The following SH3BGRL2 variants were observed in gnomAD, a reference collection of about 807,000 sequenced individuals.
SH3BGRL2 encodes SH3 domain binding glutamate rich protein like 2.
In SH3BGRL2, 21 loss-of-function variants were observed where a neutral mutation model predicts 14.8. That is an observed-to-expected ratio of 1.42 (90% CI 1.01 to 2.05). The LOEUF (loss-of-function observed/expected upper bound fraction) is 2.05. Among genes scored for constraint, SH3BGRL2 ranks in the 30% most tolerant of loss-of-function variants. The pLI is 0.00. For synonymous variants in SH3BGRL2, 50 were observed against 47.8 expected, an observed-to-expected ratio of 1.05 and a Z score of -0.19; for missense variants, 147 against 130.8, an observed-to-expected ratio of 1.12 and a Z score of -0.61.
At chr6:79,615,029 A>T in the SH3BGRL2 span, among the ~76,000 whole-genome samples, 1 of 144,766 alleles carries the variant, frequency 6.9e-6, no homozygotes, top group Non-Finnish European at 1.5e-5. Context: ...CTCAGCTTAT[A>T]GGTTGCCTGC....
chr6:79,577,387 C>A, the SH3BGRL2 span, among the ~76,000 whole-genome samples: 1 of 152,106 alleles, frequency 6.6e-6, no homozygotes, highest in Non-Finnish European at 1.5e-5. Context: ...AGGGTTAAAA[C>A]CTTAGTATTA....
At chr6:79,637,957 C>A (rs1768959212) in intron 1 of SH3BGRL2, among the ~76,000 whole-genome samples, 3 of 152,116 alleles carry the variant, frequency 2.0e-5, no homozygotes, top group Admixed American at 6.5e-5. Flanking sequence ...AGCATACAAA[C>A]TATTTTTATT....
At chr6:79,657,613 T>A (rs1241731000) in intron 1 of SH3BGRL2, among the ~76,000 whole-genome samples, 2 of 151,432 alleles carry the variant, frequency 1.3e-5, no homozygotes, top group African/African-American at 4.9e-5. Context: ...GACTTGTTAA[T>A]TTTTTTTAAT....
intron 1 of SH3BGRL2, among the ~76,000 whole-genome samples, chr6:79,659,305 A>T (rs1769490430): frequency 6.6e-6 from 1 of 152,160 alleles, no homozygotes; most frequent in Non-Finnish European, 1.5e-5. Context: ...ATCTTGAATT[A>T]ATTTTTGTAT....
chr6:79,697,399 C>T (rs1316399954), intron 3 of SH3BGRL2, among the ~76,000 whole-genome samples: 1 of 152,076 alleles, frequency 6.6e-6, no homozygotes, highest in Non-Finnish European at 1.5e-5. Flanking sequence ...AGACTGAATT[C>T]TAATATGTCT....
chr6:79,551,533 A>T, the SH3BGRL2 span, among the ~76,000 whole-genome samples: 1 of 152,160 alleles, frequency 6.6e-6, no homozygotes, highest in African/African-American at 2.4e-5. Flanking sequence ...ACAGCCTGCA[A>T]CGTGGCCCTC....
chr6:79,555,831 A>G, the SH3BGRL2 span, among the ~76,000 whole-genome samples: 1 of 152,168 alleles, frequency 6.6e-6, no homozygotes, highest in African/African-American at 2.4e-5. Flanking sequence ...TAAAATGAAA[A>G]TTAATAATTA....
At chr6:79,644,603 G>A (rs1769091465) in intron 1 of SH3BGRL2, among the ~76,000 whole-genome samples, 1 of 152,164 alleles carries the variant, frequency 6.6e-6, no homozygotes, top group Non-Finnish European at 1.5e-5. Context: ...TAGAAAGAAT[G>A]TAGACTCCAG....
In SH3BGRL2 at chr6:79,631,414, AGCCCGGAGCCCG is replaced by A. The variant is rs778278440; in HGVS notation, c.-46_-35del. The A allele has an allele frequency of 6.7e-7, 1 of 1,488,150 alleles. No homozygotes were observed. Among genetic ancestry groups the A allele is most frequent in the South Asian group, 1.3e-5 (1 of 74,998 alleles). 92.2% of individuals were successfully genotyped at this position (1,488,150 alleles called of 1,614,324 possible). ...CTGGGTTCAGCTCTGCGTCCACGCC[AGCCCGGAGCCCG>A]GGGGGCAAGGGGTCTGTCCCGGGCG... On this transcript the variant is annotated 5_prime_UTR_variant, in exon 1 of 4. Coordinates refer to ENST00000369838, the MANE Select transcript of SH3BGRL2 (RefSeq NM_031469.4).
At position 79,699,626 on chromosome 6, in the gene SH3BGRL2, C is replaced by A; in HGVS notation, c.*117C>A. ...GCCACACGCATTATCAGTAACTTTG[C>A]TTGCCACGGAAAAGGTGTTTTTGAA... On this transcript the variant is annotated 3_prime_UTR_variant, in exon 4 of 4. Coordinates refer to ENST00000369838, the MANE Select transcript of SH3BGRL2 (RefSeq NM_031469.4). 2 of 1,323,142 alleles carry A rather than the reference C, an allele frequency of 1.5e-6. No individual in the cohort carries two copies. Among genetic ancestry groups the A allele is most frequent in the Non-Finnish European group, 1.0e-6 (1 of 1,003,740 alleles). 82.0% of individuals were successfully genotyped at this position (1,323,142 alleles called of 1,614,324 possible).
At chr6:79,597,425 T>C in the SH3BGRL2 span, among the ~76,000 whole-genome samples, 3 of 151,516 alleles carry the variant, frequency 2.0e-5, no homozygotes, top group African/African-American at 7.3e-5. Flanking sequence ...GAAAGACATA[T>C]AGATCAGTGG....
the SH3BGRL2 span, among the ~76,000 whole-genome samples, chr6:79,562,846 T>G: frequency 6.6e-6 from 1 of 152,162 alleles, no homozygotes; most frequent in East Asian, 1.9e-4. Context: ...AAACTCATAA[T>G]GTTTTAAGAA....
the SH3BGRL2 span, among the ~76,000 whole-genome samples, chr6:79,560,658 G>T: frequency 6.6e-6 from 1 of 152,086 alleles, no homozygotes; most frequent in African/African-American, 2.4e-5. Flanking sequence ...GGGAATTTTG[G>T]ATGAAATAAA....
the SH3BGRL2 span, among the ~76,000 whole-genome samples, chr6:79,551,315 C>T: frequency 6.6e-6 from 1 of 152,130 alleles, no homozygotes; most frequent in South Asian, 2.1e-4. Flanking sequence ...TTGCAATATT[C>T]AGGGAGCCAT....
At chr6:79,635,562 C>G (rs764851238) in intron 1 of SH3BGRL2, among the ~76,000 whole-genome samples, 2 of 152,238 alleles carry the variant, frequency 1.3e-5, no homozygotes, top group African/African-American at 2.4e-5. Context: ...TCAGTGCTGT[C>G]TCTCTCCAGT....
the SH3BGRL2 span, among the ~76,000 whole-genome samples, chr6:79,566,220 T>G: frequency 6.6e-6 from 1 of 152,180 alleles, no homozygotes; most frequent in Non-Finnish European, 1.5e-5. Context: ...AGATTCTGAA[T>G]TCTAGGAGAG....
At chr6:79,664,779 T>A (rs1769622671) in intron 1 of SH3BGRL2, among the ~76,000 whole-genome samples, 1 of 152,246 alleles carries the variant, frequency 6.6e-6, no homozygotes, top group South Asian at 2.1e-4. Flanking sequence ...CGGAAAGATG[T>A]TACATTAAAA....
At chr6:79,618,158 G>A in the SH3BGRL2 span, among the ~76,000 whole-genome samples, 3 of 152,152 alleles carry the variant, frequency 2.0e-5, no homozygotes, top group Non-Finnish European at 4.4e-5. Context: ...AAAAAGCCAG[G>A]CTAAGTGCTT....
At chr6:79,564,813 T>G in the SH3BGRL2 span, among the ~76,000 whole-genome samples, 1 of 152,148 alleles carries the variant, frequency 6.6e-6, no homozygotes, top group Non-Finnish European at 1.5e-5. Flanking sequence ...AATTATGGTT[T>G]GTGCTGTTAA....
Sources: gnomAD v4.1 joint callset for allele counts (sites outside exome capture counted in the v4.1 genomes callset) on GRCh38, gnomAD v4.1.1 for gene constraint, MANE v1.5 for transcripts, NCBI Gene and HGNC (gene_info 2026-07-23, HGNC 2026-07-21) for gene names.